HRH1: variants seen among roughly 807,000 people sequenced by gnomAD.
HRH1 encodes the protein histamine H1 receptor.
HRH1 carries 6 observed loss-of-function variants against 10.3 expected under a neutral mutation model. The ratio of observed to expected loss-of-function variants is 0.58; its 90% CI spans 0.32 to 1.15. The LOEUF is 1.15. Ranked by LOEUF, HRH1 falls within the 50% of genes most tolerant of loss-of-function variation. HRH1 has a pLI of 0.05. For synonymous variants in HRH1, 242 were observed against 236.7 expected (o/e 1.02, Z -0.21); for missense variants, 514 against 615.3 (o/e 0.84, Z 1.74).
intron 1 of HRH1, among the ~76,000 whole-genome samples, chr3:11,225,529 CA>C (rs1938853410): frequency 6.6e-6 from 1 of 152,156 alleles, no homozygotes; most frequent in Non-Finnish European, 1.5e-5. Flanking sequence ...GTGACGGGAA[CA>C]TATTTCTGGA....
At chr3:11,181,323 A>G (rs1937347718) in intron 1 of HRH1, among the ~76,000 whole-genome samples, 1 of 152,136 alleles carries the variant, frequency 6.6e-6, no homozygotes, top group Non-Finnish European at 1.5e-5. Flanking sequence ...CACATACAAT[A>G]TATCATTCAT....
chr3:11,181,166 C>T (rs569147670), intron 1 of HRH1, among the ~76,000 whole-genome samples: 1 of 152,054 alleles, frequency 6.6e-6, no homozygotes, highest in Non-Finnish European at 1.5e-5. Context: ...GCCTGTAGTC[C>T]CAGCCACTCA....
intron 1 of HRH1, among the ~76,000 whole-genome samples, chr3:11,185,657 G>T (rs1206124970): frequency 3.3e-5 from 5 of 152,290 alleles, no homozygotes; most frequent in African/African-American, 1.2e-4. Context: ...GGTGAGCTGT[G>T]TCTGAGTCTT....
intron 1 of HRH1, among the ~76,000 whole-genome samples, chr3:11,210,848 C>T (rs1330376171): frequency 5.9e-5 from 9 of 151,498 alleles, no homozygotes; most frequent in African/African-American, 9.7e-5. Flanking sequence ...CTGCTTAGTC[C>T]GCAAAGACCA....
At chr3:11,183,608 G>A (rs1035309960) in intron 1 of HRH1, among the ~76,000 whole-genome samples, 6 of 152,178 alleles carry the variant, frequency 3.9e-5, no homozygotes, top group Non-Finnish European at 7.3e-5. Flanking sequence ...CTGCCGGGGC[G>A]GCGGCATGCA....
At chr3:11,228,639 G>A (rs1337647946) in intron 1 of HRH1, among the ~76,000 whole-genome samples, 10 of 151,110 alleles carry the variant, frequency 6.6e-5, no homozygotes. Flanking sequence ...ATAGTGGGCC[G>A]AGCACAGTGG....
At chr3:11,189,524 AC>A (rs1937507251) in intron 1 of HRH1, among the ~76,000 whole-genome samples, 3 of 152,090 alleles carry the variant, frequency 2.0e-5, no homozygotes, top group African/African-American at 7.2e-5. Flanking sequence ...TTCTCTAGGG[AC>A]CCCTCTGGTC....
chr3:11,195,162 T>G (rs1470469389), intron 1 of HRH1, among the ~76,000 whole-genome samples: 1 of 152,202 alleles, frequency 6.6e-6, no homozygotes, highest in Non-Finnish European at 1.5e-5. Flanking sequence ...CAGGACATTT[T>G]CCTTTTAAGC....
intron 1 of HRH1, among the ~76,000 whole-genome samples, chr3:11,252,522 G>A (rs1242349211): frequency 1.3e-5 from 2 of 152,184 alleles, no homozygotes; most frequent in Non-Finnish European, 2.9e-5. Context: ...CTGTCCATCA[G>A]TATTGCTGTT....
Position 11,260,714 on chromosome 3 carries a change from A to G in HRH1, c.*213A>G, listed in dbSNP as rs988508372. On this transcript the variant is annotated 3_prime_UTR_variant, in exon 2 of 2. Coordinates refer to ENST00000431010, the MANE Select transcript of HRH1 (RefSeq NM_001098212.2). Reference sequence around the variant, plus strand: ...AGAGATTGAACTTTGAGGAGGAAGCAGAATCTTTGCAAGAAAGTCAGACCT... The same window carrying G: ...AGAGATTGAACTTTGAGGAGGAAGCGGAATCTTTGCAAGAAAGTCAGACCT... 3.9e-6 allele frequency: 2 copies of G among 512,572 alleles called. No homozygotes were observed. Among genetic ancestry groups the G allele is most frequent in the Non-Finnish European group, 7.0e-6 (2 of 285,422 alleles). The allele number at this position is 512,572 out of a possible 1,614,324, so 31.8% of individuals were successfully genotyped here.
intron 1 of HRH1, among the ~76,000 whole-genome samples, chr3:11,220,452 C>T (rs1575023061): frequency 2.0e-5 from 3 of 152,292 alleles, no homozygotes; most frequent in South Asian, 2.1e-4. Context: ...ATGAGGCTGC[C>T]GGTGCTTGGG....
rs73011775 is a variant in HRH1, at chr3:11,262,866, G to T, written c.*2365G>T. 6.0e-6 allele frequency: 1 copy of T among 167,218 alleles called. No individual in the cohort carries two copies. The allele number at this position is 167,218 out of a possible 1,614,324, so 10.4% of individuals were successfully genotyped here. On this transcript the variant is annotated 3_prime_UTR_variant, in exon 2 of 2. Coordinates refer to ENST00000431010, the MANE Select transcript of HRH1 (RefSeq NM_001098212.2). ...GTCTCTAGTGCTTGTATAGTGTCTG[G>T]TATACAGAGGGCACTCCTATGCATT... is the stretch of plus-strand genomic sequence containing the variant.
chr3:11,255,831 C>T (rs1047258931), intron 1 of HRH1, among the ~76,000 whole-genome samples: 3 of 152,178 alleles, frequency 2.0e-5, no homozygotes, highest in South Asian at 2.1e-4. Flanking sequence ...GGTCTGACTT[C>T]GAACAGAATG....
At chr3:11,222,361 G>A (rs1938735979) in intron 1 of HRH1, among the ~76,000 whole-genome samples, 1 of 152,188 alleles carries the variant, frequency 6.6e-6, no homozygotes, top group Non-Finnish European at 1.5e-5. Flanking sequence ...TAGACTCTGT[G>A]ATTGTTTTCA....
At chr3:11,172,704 C>CTTTTTTTTTTT (rs537415650) in intron 1 of HRH1, among the ~76,000 whole-genome samples, 71 of 130,866 alleles carry the variant, frequency 5.4e-4, no homozygotes, top group African/African-American at 1.5e-3. Context: ...TTTGGCGAAT[C>CTTTTTTTTTTT]TTTTTTTTTT....
At chr3:11,227,574 C>T (rs1481672873) in intron 1 of HRH1, among the ~76,000 whole-genome samples, 1 of 152,180 alleles carries the variant, frequency 6.6e-6, no homozygotes, top group African/African-American at 2.4e-5. Context: ...ACGTGAGCCA[C>T]CACGCCCGGC....
chr3:11,240,479 A>C (rs2152579686), intron 1 of HRH1, among the ~76,000 whole-genome samples: 1 of 150,978 alleles, frequency 6.6e-6, no homozygotes, highest in South Asian at 2.1e-4. Context: ...GATCCCTACC[A>C]CTCCCTCTTG....
rs1391065581 is a variant in HRH1 at position 11,250,384 on chromosome 3, C to CG, written c.-35-8614dup. On this transcript the variant is annotated intron_variant, in intron 1 of 1. Transcript: ENST00000431010. ...GCTTTTCTCTTTAACGTTACATTTT[C>CG]GGGGGTAGGTACTTTGGAGAGGGGT... Among the ~76,000 whole-genome samples, 3 of 151,710 alleles carry CG rather than the reference C, an allele frequency of 2.0e-5. No homozygotes were observed. The East Asian group carries it at 5.8e-4, about 30-fold the overall frequency.
chr3:11,196,042 G>A (rs568385643), intron 1 of HRH1, among the ~76,000 whole-genome samples: 2 of 152,172 alleles, frequency 1.3e-5, no homozygotes, highest in African/African-American at 2.4e-5. Flanking sequence ...CTCTGGCCCC[G>A]CCAAGTCCAT....
Sources: gnomAD v4.1 joint callset for allele counts (sites outside exome capture counted in the v4.1 genomes callset) on GRCh38, gnomAD v4.1.1 for gene constraint, MANE v1.5 for transcripts, NCBI Gene and HGNC (gene_info 2026-07-23, HGNC 2026-07-21) for gene names.